MYRIP: variants seen among roughly 807,000 people sequenced by gnomAD.
MYRIP encodes the protein rab effector MyRIP.
A neutral mutation model predicts 98.0 loss-of-function variants in MYRIP; 49 were observed. The observed-to-expected ratio is 0.50, with a 90% CI of 0.40 to 0.63. The LOEUF (loss-of-function observed/expected upper bound fraction) is 0.63. Among genes scored for constraint, MYRIP ranks in the 30% least tolerant of loss-of-function variants. The pLI is 0.00. For missense variants in MYRIP, 1,004 were observed against 1,058.2 expected, an observed-to-expected ratio of 0.95 and a Z score of 0.71; for synonymous variants, 404 against 409.5, an observed-to-expected ratio of 0.99 and a Z score of 0.16.
chr3:39,967,957 G>GT (rs1945481114), intron 2 of MYRIP, among the ~76,000 whole-genome samples: 1 of 152,054 alleles, frequency 6.6e-6, no homozygotes, highest in Admixed American at 6.6e-5. Context: ...ATTTGTTTAA[G>GT]TTTTTTATAT....
chr3:39,899,479 A>C (rs912450826), intron 1 of MYRIP, among the ~76,000 whole-genome samples: 3 of 152,124 alleles, frequency 2.0e-5, no homozygotes, highest in Non-Finnish European at 4.4e-5. Flanking sequence ...TAGGTTAACT[A>C]TGTGAAATCG....
At chr3:40,172,563 T>TA (rs1950640552) in intron 8 of MYRIP, among the ~76,000 whole-genome samples, 1 of 152,200 alleles carries the variant, frequency 6.6e-6, no homozygotes, top group Admixed American at 6.5e-5. Flanking sequence ...ATTATTACCT[T>TA]ATTTCCACGT....
intron 3 of MYRIP, among the ~76,000 whole-genome samples, chr3:40,073,949 C>T (rs1948285364): frequency 6.6e-6 from 1 of 152,238 alleles, no homozygotes; most frequent in African/African-American, 2.4e-5. Context: ...GCATGACAAT[C>T]ACTGTAGTTG....
At chr3:40,156,350 A>G (rs1466682062) in intron 4 of MYRIP, among the ~76,000 whole-genome samples, 3 of 152,030 alleles carry the variant, frequency 2.0e-5, no homozygotes, top group Non-Finnish European at 2.9e-5. Flanking sequence ...CCATTGATCT[A>G]TATTTCTGTT....
chr3:40,154,214 G>A (rs1385617345), intron 4 of MYRIP, among the ~76,000 whole-genome samples: 9 of 151,606 alleles, frequency 5.9e-5, no homozygotes, highest in East Asian at 5.8e-4. Flanking sequence ...TACACACCTC[G>A]TACTGCCATC....
intron 2 of MYRIP, among the ~76,000 whole-genome samples, chr3:39,977,041 A>G (rs1273550937): frequency 7.0e-6 from 1 of 143,106 alleles, no homozygotes; most frequent in Non-Finnish European, 1.5e-5. Context: ...AACTGAAAGT[A>G]TTAAAAAAAA....
intron 2 of MYRIP, among the ~76,000 whole-genome samples, chr3:39,965,617 G>C (rs1945420915): frequency 1.3e-5 from 2 of 152,064 alleles, no homozygotes; most frequent in South Asian, 4.1e-4. Context: ...GACTAGGCTT[G>C]ACCATAATCC....
chr3:40,201,848 G>T (rs1951570198), intron 10 of MYRIP, among the ~76,000 whole-genome samples: 1 of 152,092 alleles, frequency 6.6e-6, no homozygotes, highest in Admixed American at 6.6e-5. Context: ...ACTAGTTTTA[G>T]GTGAACAGCA....
At chr3:39,811,932 G>GA (rs1940710232) in intron 1 of MYRIP, among the ~76,000 whole-genome samples, 1 of 152,134 alleles carries the variant, frequency 6.6e-6, no homozygotes, top group Non-Finnish European at 1.5e-5. Flanking sequence ...CCCGATGGCT[G>GA]AAAAATATCC....
intron 1 of MYRIP, among the ~76,000 whole-genome samples, chr3:39,866,548 G>A (rs533731962): frequency 2.0e-5 from 3 of 152,088 alleles, no homozygotes; most frequent in African/African-American, 4.8e-5. Context: ...TCAGCTCACC[G>A]CAACCTCCAC....
intron 9 of MYRIP, among the ~76,000 whole-genome samples, chr3:40,183,909 G>A (rs1451734546): frequency 1.3e-5 from 2 of 152,096 alleles, no homozygotes; most frequent in Non-Finnish European, 2.9e-5. Flanking sequence ...CCATTGTTAC[G>A]ACAGTGCAAA....
At chr3:40,245,234 T>C (rs946104834) in intron 13 of MYRIP, among the ~76,000 whole-genome samples, 3 of 152,206 alleles carry the variant, frequency 2.0e-5, no homozygotes, top group Non-Finnish European at 2.9e-5. Flanking sequence ...TGTTTGAAGT[T>C]TTCACAGATA....
intron 3 of MYRIP, among the ~76,000 whole-genome samples, chr3:40,067,176 A>G (rs888269619): frequency 6.6e-6 from 1 of 152,224 alleles, no homozygotes; most frequent in Non-Finnish European, 1.5e-5. Flanking sequence ...TAATGATTCT[A>G]ACTCTAGGCT....
intron 11 of MYRIP, among the ~76,000 whole-genome samples, chr3:40,213,982 AACT>A (rs927439006): frequency 2.6e-5 from 4 of 152,108 alleles, no homozygotes; most frequent in Non-Finnish European, 4.4e-5. Flanking sequence ...CTACTTGATA[AACT>A]ACATGATACG....
At chr3:40,249,434 C>T (rs112745146) in intron 13 of MYRIP, among the ~76,000 whole-genome samples, 8 of 152,340 alleles carry the variant, frequency 5.3e-5, no homozygotes, top group South Asian at 2.1e-4. Context: ...TCACTTGTCC[C>T]TTTGAGCCAG....
At chr3:40,094,910 C>A (rs1277479814) in intron 3 of MYRIP, among the ~76,000 whole-genome samples, 2 of 152,178 alleles carry the variant, frequency 1.3e-5, no homozygotes, top group Non-Finnish European at 2.9e-5. Context: ...GCTCTGGCCC[C>A]TCTGTGTCTC....
At chr3:40,095,528 T>G (rs2125886467) in intron 3 of MYRIP, among the ~76,000 whole-genome samples, 1 of 152,238 alleles carries the variant, frequency 6.6e-6, no homozygotes, top group Non-Finnish European at 1.5e-5. Flanking sequence ...CAGCTTTGTT[T>G]TAAAGGTAGT....
At chr3:39,850,827 G>C (rs891388291) in intron 1 of MYRIP, among the ~76,000 whole-genome samples, 1 of 152,180 alleles carries the variant, frequency 6.6e-6, no homozygotes, top group Non-Finnish European at 1.5e-5. Flanking sequence ...TTACATAGTA[G>C]AGAGAGCAAA....
chr3:40,118,289 T>C (rs577227663), intron 3 of MYRIP, among the ~76,000 whole-genome samples: 1 of 152,354 alleles, frequency 6.6e-6, no homozygotes, highest in South Asian at 2.1e-4. Flanking sequence ...AAGGAAATTT[T>C]GCAATATCTG....
Sources: allele counts gnomAD v4.1 joint callset (sites outside exome capture counted in the v4.1 genomes callset), GRCh38; gene constraint gnomAD v4.1.1; transcripts MANE v1.5; gene names NCBI Gene and HGNC (gene_info 2026-07-23, HGNC 2026-07-21).